SYNE1: variants seen among roughly 807,000 people sequenced by gnomAD.
SYNE1 encodes the protein spectrin repeat containing nuclear envelope protein 1.
In SYNE1, 616 loss-of-function variants were observed where a neutral mutation model predicts 1,111.0. The observed-to-expected ratio is 0.55, with a 90% confidence interval of 0.52 to 0.59. The LOEUF (loss-of-function observed/expected upper bound fraction) is 0.59. SYNE1 is among the 20% of genes least tolerant of loss of function. SYNE1 has a pLI of 0.00. For synonymous variants in SYNE1, 3,855 were observed against 3,825.8 expected, an observed-to-expected ratio of 1.01 and a Z score of -0.28; for missense variants, 10,006 against 10,417.0, an observed-to-expected ratio of 0.96 and a Z score of 1.72.
intron 74 of SYNE1, among the ~76,000 whole-genome samples, chr6:152,343,856 C>T (rs987089320): frequency 1.6e-4 from 24 of 152,196 alleles, no homozygotes; most frequent in African/African-American, 5.8e-4. Flanking sequence ...GCATGAGCCA[C>T]TACGCCTGGC....
intron 3 of SYNE1, among the ~76,000 whole-genome samples, chr6:152,626,582 C>T (rs899736281): frequency 6.6e-6 from 1 of 152,228 alleles, no homozygotes; most frequent in Admixed American, 6.5e-5. Flanking sequence ...AATTTTCAGC[C>T]CATGGAAAAG....
chr6:152,465,063 C>G, intron 18 of SYNE1, 195 bp downstream of exon 18: 1 of 627,532 alleles, frequency 1.6e-6, no homozygotes, highest in Non-Finnish European at 2.8e-6. Context: ...TGGATTTACT[C>G]AACCCTCCAT....
chr6:152,254,244 CTTTT>C (rs773598537), intron 104 of SYNE1, among the ~76,000 whole-genome samples: 5 of 73,144 alleles, frequency 6.8e-5, no homozygotes, highest in Admixed American at 2.1e-4. Flanking sequence ...TCTGCATACT[CTTTT>C]TTTTTTTTTT....
At chr6:152,502,559 A>C in intron 10 of SYNE1, 74 bp downstream of exon 10, 1 of 1,156,002 alleles carries the variant, frequency 8.7e-7, no homozygotes, top group East Asian at 2.4e-5. Context: ...TAATTTTTTG[A>C]GAACAGTATA....
chr6:152,540,590 C>T (rs1222021742), intron 3 of SYNE1, among the ~76,000 whole-genome samples: 5 of 152,300 alleles, frequency 3.3e-5, no homozygotes, highest in Non-Finnish European at 5.9e-5. Context: ...ATTTTTGTGT[C>T]GGCAGAATGT....
rs1257241087 is a variant in SYNE1, at chr6:152,359,356, C to A, written c.10402G>T (p.Asp3468Tyr). ...ATGGCTCTGTATCGTTCCTGTAGAT[C>A]CTGGAGTTCTAGCTGGGTGACATAG... is the stretch of plus-strand genomic sequence containing the variant. Reference protein sequence around the residue: ...EHYVTQLELQDLQERYRAIQE... With the variant: ...EHYVTQLELQYLQERYRAIQE... Residue 3468 changes from aspartate (D) to tyrosine (Y), a missense_variant, in exon 65 of 146, where the codon GAT becomes TAT. Transcript: ENST00000367255. The A allele has an allele frequency of 1.2e-6, 2 of 1,614,004 alleles. No homozygotes were observed. The highest frequency in any genetic ancestry group is 1.3e-5 in the African/African-American group (1 of 74,896).
At position 152,575,150 on chromosome 6, in the gene SYNE1, T is replaced by TG. The variant is rs1381631868; in HGVS notation, c.68-35130dup. Among the ~76,000 whole-genome samples the TG allele has an allele frequency of 2.0e-5, 3 of 152,278 alleles. No homozygotes were observed. In the East Asian group the frequency reaches 5.8e-4, roughly 29 times the overall value. ...TTTCTCTAACTCCGGTGGTATAGGA[T>TG]GGTGGTCTTCAATCTGGGAATGTAA... is the stretch of plus-strand genomic sequence containing the variant. On this transcript the variant is annotated intron_variant, in intron 3 of 145. Coordinates refer to ENST00000367255, the MANE Select transcript of SYNE1 (RefSeq NM_182961.4).
intron 80 of SYNE1, among the ~76,000 whole-genome samples, chr6:152,325,741 A>C (rs1367583697): frequency 6.6e-6 from 1 of 152,228 alleles, no homozygotes; most frequent in Non-Finnish European, 1.5e-5. Flanking sequence ...ATCTTATCGG[A>C]AGCAAATTGC....
In SYNE1 at chr6:152,459,371, A is replaced by G. The variant is rs542238172; in HGVS notation, c.2395-441T>C. Among the ~76,000 whole-genome samples, 7 of 152,256 alleles carry G rather than the reference A, an allele frequency of 4.6e-5. No individual in the cohort carries two copies. The East Asian group carries it at 1.2e-3, about 25-fold the overall frequency. ...TTGTTTTCAAGAGATCGCCTACTTG[A>G]ACCCTTGACTGCTGATAAACTTAGA... On this transcript the variant is annotated intron_variant, in intron 21 of 145. Coordinates refer to ENST00000367255, the MANE Select transcript of SYNE1 (RefSeq NM_182961.4).
At chr6:152,297,803 G>C (rs199864823) in intron 93 of SYNE1, among the ~76,000 whole-genome samples, 1 of 99,018 alleles carries the variant, frequency 1.0e-5, no homozygotes, top group Non-Finnish European at 2.1e-5. Flanking sequence ...GTGTGTGTGT[G>C]TGTGTGTGTG....
chr6:152,505,389 C>A lies in SYNE1; in HGVS notation c.590G>T (p.Gly197Val), dbSNP rs150249753. Residue 197 changes from glycine (G) to valine (V), a missense_variant, in exon 9 of 146, where the codon GGA becomes GTA. By Grantham distance (109) the Gly-to-Val change is moderately radical (BLOSUM62 -3). Transcript: ENST00000367255. ...WVQYTAGKQT[G>V]IEVKDFGKSW... ...CTTCCCAAAATCTTTTACTTCTATT[C>A]CAGTCTGCCTTTGTGTTATAAAAAC... 6.2e-7 allele frequency: 1 copy of A among 1,613,900 alleles called. No homozygotes were observed. Among genetic ancestry groups the A allele is most frequent in the African/African-American group, 1.3e-5 (1 of 75,052 alleles).
chr6:152,247,020 A>G (rs934347529), intron 105 of SYNE1, among the ~76,000 whole-genome samples: 1 of 152,240 alleles, frequency 6.6e-6, no homozygotes, highest in South Asian at 2.1e-4. Flanking sequence ...AAGGACATGC[A>G]CTAACGAAAC....
chr6:152,141,828 T>C (rs921438576), intron 138 of SYNE1, among the ~76,000 whole-genome samples: 1 of 151,866 alleles, frequency 6.6e-6, no homozygotes, highest in African/African-American at 2.4e-5. Flanking sequence ...CCCAGCACTT[T>C]GGGGGCCGAG....
rs141180730 is a variant in SYNE1 at position 152,326,145 on chromosome 6, C to T, written c.15294-43G>A. On this transcript the variant is annotated intron_variant, in intron 79 of 145. Transcript: ENST00000367255. ...GAAACTGATAAGTAGCACGAAATCACGTATTTCTACACGAAGCTCTGGTGT... is the reference window on the plus strand; with the variant it reads ...GAAACTGATAAGTAGCACGAAATCATGTATTTCTACACGAAGCTCTGGTGT... The T allele has an allele frequency of 1.1e-3, 1,765 of 1,613,930 alleles. 7 individuals carry two copies. In the East Asian group the frequency reaches 0.016, roughly 14 times the overall value.
chr6:152,630,281 G>A (rs1438496990), intron 2 of SYNE1, among the ~76,000 whole-genome samples: 7 of 152,142 alleles, frequency 4.6e-5, no homozygotes, highest in African/African-American at 1.7e-4. Context: ...GAAGATAGAG[G>A]CAAACTTCTC....
At chr6:152,450,560 A>C in intron 27 of SYNE1, 65 bp downstream of exon 27, 1 of 1,320,342 alleles carries the variant, frequency 7.6e-7, no homozygotes, top group Non-Finnish European at 1.1e-6. Flanking sequence ...TTGTTTTGTC[A>C]TGATCTCCGA....
chr6:152,391,193 C>T, intron 52 of SYNE1, 84 bp downstream of exon 52: 1 of 1,593,602 alleles, frequency 6.3e-7, no homozygotes, highest in Non-Finnish European at 8.6e-7. Context: ...GCTTACAGAA[C>T]AATTAGGACA....
Position 152,331,256 on chromosome 6 carries a change from T to A in SYNE1, c.13429A>T (p.Met4477Leu), listed in dbSNP as rs1304589023. The A allele has an allele frequency of 6.2e-7, 1 of 1,614,114 alleles. No homozygotes were observed. The highest frequency in any genetic ancestry group is 8.5e-7 in the Non-Finnish European group (1 of 1,180,034). ...SQIQQHERKI[M>L]FREHICLLPD... Reference sequence around the variant, plus strand: ...AACAGACAGATGTGTTCACGGAACATTATCTTTCGCTCATGTTGCTGAATT... The same window carrying A: ...AACAGACAGATGTGTTCACGGAACAATATCTTTCGCTCATGTTGCTGAATT... Residue 4477 changes from methionine (M) to leucine (L), a missense_variant, in exon 78 of 146, where the codon ATG becomes TTG. Around this residue, in one of 7 missense-constraint regions of SYNE1, gnomAD observed 4,955 missense variants for 5,017.2 expected, o/e 0.99. Transcript: ENST00000367255.
intron 45 of SYNE1, among the ~76,000 whole-genome samples, chr6:152,405,711 T>C (rs890965082): frequency 6.6e-5 from 10 of 152,172 alleles, no homozygotes; most frequent in Non-Finnish European, 1.0e-4. Context: ...GCTGTAATGT[T>C]AGTTTAGCAC....
Sources: allele counts gnomAD v4.1 joint callset (sites outside exome capture counted in the v4.1 genomes callset), GRCh38; gene constraint gnomAD v4.1.1; regional missense constraint gnomAD v4.1.1; transcripts MANE v1.5; gene names NCBI Gene and HGNC (gene_info 2026-07-23, HGNC 2026-07-21).